Variants in CCDC30 observed in about 807,000 individuals in gnomAD.
The protein encoded by CCDC30 is coiled-coil domain containing 30.
Under a neutral mutation model 100.2 loss-of-function variants are expected in CCDC30, and 70 were observed. That is an observed-to-expected ratio of 0.70 (90% CI 0.58 to 0.85). CCDC30 has a LOEUF of 0.85. Ranked by LOEUF, CCDC30 falls within the 40% of genes least tolerant of loss-of-function variation. The pLI is 0.00. For synonymous variants in CCDC30, 233 were observed against 269.5 expected, an observed-to-expected ratio of 0.86 and a Z score of 1.33; for missense variants, 652 against 771.2, an observed-to-expected ratio of 0.85 and a Z score of 1.83.
chr1:42,598,391 A>G (rs1281940224), intron 10 of CCDC30, among the ~76,000 whole-genome samples: 1 of 148,558 alleles, frequency 6.7e-6, no homozygotes, highest in Non-Finnish European at 1.5e-5. Context: ...GGTGGCATGC[A>G]TCTCTAATTT....
intron 6 of CCDC30, among the ~76,000 whole-genome samples, chr1:42,518,115 A>G (rs1224465854): frequency 2.6e-5 from 4 of 152,272 alleles, no homozygotes; most frequent in Admixed American, 6.5e-5. Flanking sequence ...ATGTCTTTCC[A>G]TTTATTTTCA....
At chr1:42,525,933 T>G (rs1644717092) in intron 6 of CCDC30, among the ~76,000 whole-genome samples, 1 of 152,188 alleles carries the variant, frequency 6.6e-6, no homozygotes, top group Non-Finnish European at 1.5e-5. Flanking sequence ...TTTGCTTATC[T>G]TTGTGGAGTT....
At chr1:42,470,874 G>T (rs1643748804) in intron 1 of CCDC30, among the ~76,000 whole-genome samples, 1 of 152,218 alleles carries the variant, frequency 6.6e-6, no homozygotes, top group Non-Finnish European at 1.5e-5. Flanking sequence ...TTCTGGAAAT[G>T]ATTGTGGTGA....
chr1:42,456,588 C>A, the CCDC30 span: 1 of 1,498,644 alleles, frequency 6.7e-7, no homozygotes, highest in South Asian at 1.3e-5. Context: ...GATCCGGTAG[C>A]CGAGTTCCCC....
At chr1:42,470,998 G>A (rs927875567) in intron 1 of CCDC30, among the ~76,000 whole-genome samples, 2 of 152,202 alleles carry the variant, frequency 1.3e-5, no homozygotes, top group African/African-American at 2.4e-5. Context: ...GGGGGAAGAA[G>A]CATAGAAGGT....
intron 6 of CCDC30, among the ~76,000 whole-genome samples, chr1:42,546,662 A>G (rs188626421): frequency 6.7e-4 from 101 of 151,720 alleles, no homozygotes; most frequent in African/African-American, 2.2e-3. Flanking sequence ...TGCTGTCTCT[A>G]TTTTACATTG....
intron 6 of CCDC30, among the ~76,000 whole-genome samples, chr1:42,510,909 A>G (rs1644468161): frequency 6.6e-6 from 1 of 151,914 alleles, no homozygotes; most frequent in African/African-American, 2.4e-5. Context: ...AGATCTAGTA[A>G]AAAGGCCATG....
At chr1:42,520,662 A>G in intron 6 of CCDC30, among the ~76,000 whole-genome samples, 1 of 69,744 alleles carries the variant, frequency 1.4e-5, no homozygotes, top group African/African-American at 5.5e-5. Flanking sequence ...TTTTTTTGAG[A>G]CAGAGTCTCA....
chr1:42,489,731 T>C lies in CCDC30; in HGVS notation c.170-427T>C, dbSNP rs528067801. ...CACCAAAAGCTATTTCCTGAAATTT[T>C]GTTATTTTGATATTTCTAGCAGCTA... On this transcript the variant is annotated intron_variant, in intron 3 of 16. Transcript: ENST00000668663. 2.0e-5 allele frequency among the ~76,000 whole-genome samples: 3 copies of C among 152,360 alleles called. No individual in the cohort carries two copies. In the East Asian group the frequency reaches 5.8e-4, roughly 29 times the overall value.
intron 3 of CCDC30, among the ~76,000 whole-genome samples, chr1:42,487,122 A>T (rs1644064631): frequency 6.6e-6 from 1 of 151,702 alleles, no homozygotes; most frequent in Non-Finnish European, 1.5e-5. Flanking sequence ...AAAAAAAAAA[A>T]AAAAAAAAAA....
chr1:42,600,014 C>T (rs1426565745), intron 10 of CCDC30, among the ~76,000 whole-genome samples: 1 of 152,050 alleles, frequency 6.6e-6, no homozygotes, highest in Admixed American at 6.6e-5. Context: ...TTTCGAACAA[C>T]TGGATCTTGT....
At chr1:42,530,206 C>A (rs1048555361) in intron 6 of CCDC30, among the ~76,000 whole-genome samples, 1 of 152,182 alleles carries the variant, frequency 6.6e-6, no homozygotes, top group Non-Finnish European at 1.5e-5. Context: ...ATGCCTAAGT[C>A]ATTCACCTTC....
intron 2 of CCDC30, among the ~76,000 whole-genome samples, chr1:42,480,869 C>T (rs541432340): frequency 5.3e-5 from 8 of 152,184 alleles, no homozygotes; most frequent in African/African-American, 1.9e-4. Context: ...CCTATAATCC[C>T]AGCACTTTGG....
In CCDC30 at chr1:42,464,984, T is replaced by G. The variant is rs994592784; in HGVS notation, c.-92+1086T>G. Among the ~76,000 whole-genome samples the G allele has an allele frequency of 1.3e-5, 2 of 152,208 alleles. 1 individual carries two copies. Among genetic ancestry groups the G allele is most frequent in the South Asian group, 4.1e-4 (2 of 4,830 alleles). On this transcript the variant is annotated intron_variant, in intron 1 of 16. Transcript: ENST00000668663. ...TCTGCAGCCTTTTCAATCTTGCACATTAAATTGGAACTGGATAAAACCTAA... is the reference window on the plus strand; with the variant it reads ...TCTGCAGCCTTTTCAATCTTGCACAGTAAATTGGAACTGGATAAAACCTAA...
chr1:42,542,511 C>T (rs1222170154), intron 6 of CCDC30, among the ~76,000 whole-genome samples: 1 of 151,240 alleles, frequency 6.6e-6, no homozygotes, highest in African/African-American at 2.4e-5. Flanking sequence ...AGGCACATGG[C>T]ACCACACCTG....
At chr1:42,619,638 G>A (rs188582918) in intron 11 of CCDC30, among the ~76,000 whole-genome samples, 182 of 152,150 alleles carry the variant, frequency 1.2e-3, no homozygotes, top group Non-Finnish European at 2.0e-3. Context: ...AACCTCACAG[G>A]TATTATAGCA....
intron 15 of CCDC30, among the ~76,000 whole-genome samples, chr1:42,648,187 G>A (rs138102249): frequency 0.07 from 10,706 of 152,044 alleles, 674 homozygotes; most frequent in African/African-American, 0.16. Context: ...TGATCCACCC[G>A]CCTCAGCCTC....
chr1:42,567,400 AG>A (rs1484322738), intron 7 of CCDC30, among the ~76,000 whole-genome samples: 1 of 152,214 alleles, frequency 6.6e-6, no homozygotes, highest in Non-Finnish European at 1.5e-5. Context: ...CACCTGGTAT[AG>A]CAGGATAAAA....
Position 42,490,148 on chromosome 1 carries a change from C to CT in CCDC30, c.170-3dup, listed in dbSNP as rs1403623979. 6.5e-6 allele frequency: 7 copies of CT among 1,082,652 alleles called. No individual in the cohort carries two copies. The African/African-American group carries it at 6.5e-5, about 10-fold the overall frequency. The allele number at this position is 1,082,652 out of a possible 1,614,324, so 67.1% of individuals were successfully genotyped here. On this transcript the variant is annotated splice_polypyrimidine_tract_variant and intron_variant, in intron 3 of 16. Transcript: ENST00000668663. Reference sequence around the variant, plus strand: ...TGTTCCTTATACAAATATTTTATTTCTTTTTTTAGATTCTGCACTTAAGAA... The same window carrying CT: ...TGTTCCTTATACAAATATTTTATTTCTTTTTTTTAGATTCTGCACTTAAGAA...
Sources: gnomAD v4.1 joint callset for allele counts (sites outside exome capture counted in the v4.1 genomes callset) on GRCh38, gnomAD v4.1.1 for gene constraint, MANE v1.5 for transcripts, NCBI Gene and HGNC (gene_info 2026-07-23, HGNC 2026-07-21) for gene names.